The following SLC45A4 variants were observed in gnomAD, a reference collection of about 807,000 sequenced individuals.
SLC45A4 encodes the protein solute carrier family 45 member 4, also known as polyamine-transporter SLC45A4.
A neutral mutation model predicts 63.7 loss-of-function variants in SLC45A4; 32 were observed. That is an observed-to-expected ratio of 0.50 (90% confidence interval 0.38 to 0.67). The LOEUF (loss-of-function observed/expected upper bound fraction) is 0.67. SLC45A4 is among the 30% of genes least tolerant of loss of function. SLC45A4 has a pLI of 0.00. For missense variants in SLC45A4, 1,027 were observed against 1,157.7 expected (o/e 0.89, Z 1.64); for synonymous variants, 535 against 510.0 (o/e 1.05, Z -0.66).
chr8:141,273,494 C>T (rs375916126), intron 1 of SLC45A4, among the ~76,000 whole-genome samples: 138 of 152,254 alleles, frequency 9.1e-4, no homozygotes, highest in African/African-American at 3.3e-3. Context: ...AACGCAGGTA[C>T]AAACAAACTG....
chr8:141,213,124 A>G (rs1183582292), intron 7 of SLC45A4, among the ~76,000 whole-genome samples: 2 of 152,256 alleles, frequency 1.3e-5, no homozygotes, highest in East Asian at 1.9e-4. Context: ...AGGTCAGTCC[A>G]CTAAGAAGCT....
chr8:141,212,861 G>C (rs1825923902), intron 7 of SLC45A4, among the ~76,000 whole-genome samples: 1 of 152,210 alleles, frequency 6.6e-6, no homozygotes, highest in African/African-American at 2.4e-5. Context: ...GCAGGGCCAG[G>C]CTCCACCAGG....
intron 1 of SLC45A4, among the ~76,000 whole-genome samples, chr8:141,303,202 G>T (rs376877039): frequency 6.6e-6 from 1 of 151,510 alleles, no homozygotes; most frequent in Admixed American, 6.6e-5. Flanking sequence ...TTGCCATGTT[G>T]TCCATGCTGG....
At chr8:141,280,747 G>A (rs752618036) in intron 1 of SLC45A4, among the ~76,000 whole-genome samples, 2 of 152,238 alleles carry the variant, frequency 1.3e-5, no homozygotes, top group African/African-American at 2.4e-5. Context: ...CACACAGGAA[G>A]CAAGCTGTCA....
chr8:141,273,925 G>T (rs543583509), intron 1 of SLC45A4, among the ~76,000 whole-genome samples: 1 of 152,358 alleles, frequency 6.6e-6, no homozygotes, highest in Admixed American at 6.5e-5. Context: ...GTCAAAGCTT[G>T]TCTTTAAAAA....
chr8:141,294,678 G>C (rs1354618100), intron 1 of SLC45A4, among the ~76,000 whole-genome samples: 2 of 152,248 alleles, frequency 1.3e-5, no homozygotes, highest in African/African-American at 4.8e-5. Context: ...ATGCTAAATG[G>C]GGGCCACCAG....
chr8:141,232,241 C>T (rs552206700), intron 2 of SLC45A4, among the ~76,000 whole-genome samples: 4 of 152,382 alleles, frequency 2.6e-5, no homozygotes, highest in Admixed American at 1.3e-4. Context: ...ATCCATCACA[C>T]GCCAGCCCCG....
chr8:141,262,259 A>C (rs1231175165), intron 1 of SLC45A4, among the ~76,000 whole-genome samples: 1 of 151,202 alleles, frequency 6.6e-6, no homozygotes, highest in Non-Finnish European at 1.5e-5. Context: ...AAAACCATAA[A>C]AACCCTAGAA....
intron 1 of SLC45A4, among the ~76,000 whole-genome samples, chr8:141,285,114 C>T (rs1830089078): frequency 3.9e-5 from 6 of 152,234 alleles, no homozygotes. Context: ...AGCTTCTCCT[C>T]TCCAGCGGCC....
In SLC45A4 at chr8:141,283,481, C is replaced by T. The variant is rs1013609555; in HGVS notation, c.-401+24615G>A. Among the ~76,000 whole-genome samples the T allele has an allele frequency of 7.2e-5, 11 of 152,348 alleles. No homozygotes were observed. In the East Asian group the frequency reaches 1.3e-3, roughly 19 times the overall value. On this transcript the variant is annotated intron_variant, in intron 1 of 8. Transcript: ENST00000517878. Reference sequence around the variant, plus strand: ...CAGAGAGGAGAACCAATGAAGGCTTCTCGCACTGCATCCCTGGATGTCCCA... The same window carrying T: ...CAGAGAGGAGAACCAATGAAGGCTTTTCGCACTGCATCCCTGGATGTCCCA...
chr8:141,280,777 C>T (rs564645247), intron 1 of SLC45A4, among the ~76,000 whole-genome samples: 2 of 152,368 alleles, frequency 1.3e-5, no homozygotes, highest in African/African-American at 4.8e-5. Context: ...CTGACTCGCA[C>T]AGGTAACTGG....
intron 1 of SLC45A4, among the ~76,000 whole-genome samples, chr8:141,299,432 C>T (rs536981276): frequency 1.3e-5 from 2 of 152,358 alleles, no homozygotes; most frequent in East Asian, 1.9e-4. Flanking sequence ...GAGACACCAG[C>T]TCCAGGCTGC....
At position 141,219,053 on chromosome 8, in the gene SLC45A4, G is replaced by A. The variant is rs758045745; in HGVS notation, c.611-24C>T. On this transcript the variant is annotated intron_variant, in intron 4 of 8. Coordinates refer to ENST00000517878, the MANE Select transcript of SLC45A4 (RefSeq NM_001286646.2). ...GCCTGCGTGGGAGGAAGCAGCAGCC[G>A]GTGAGCCGGTGGCACCAGGCCACAG... is the stretch of plus-strand genomic sequence containing the variant. 30 of 1,591,200 alleles carry A rather than the reference G, an allele frequency of 1.9e-5. No homozygotes were observed. In the East Asian group the frequency reaches 3.8e-4, roughly 20 times the overall value.
At chr8:141,265,880 T>A (rs1829246786) in intron 1 of SLC45A4, among the ~76,000 whole-genome samples, 1 of 152,218 alleles carries the variant, frequency 6.6e-6, no homozygotes, top group Non-Finnish European at 1.5e-5. Flanking sequence ...AACAATTTTG[T>A]TATGATTCGC....
intron 1 of SLC45A4, among the ~76,000 whole-genome samples, chr8:141,260,447 A>G (rs1299740961): frequency 6.6e-6 from 1 of 152,250 alleles, no homozygotes; most frequent in East Asian, 1.9e-4. Flanking sequence ...CCATTGGACT[A>G]ACCCAGTTTT....
Position 141,212,186 on chromosome 8 carries a change from G to A in SLC45A4, c.2301+11C>T, listed in dbSNP as rs1825868622. Reference sequence around the variant, plus strand: ...CACTGGAATGTGTGTAAACGGGAGTGCGGCTCAGACCACGGACTCTGTCTC... The same window carrying A: ...CACTGGAATGTGTGTAAACGGGAGTACGGCTCAGACCACGGACTCTGTCTC... On this transcript the variant is annotated intron_variant, in intron 8 of 8. Coordinates refer to ENST00000517878, the MANE Select transcript of SLC45A4 (RefSeq NM_001286646.2). 7.7e-6 allele frequency: 11 copies of A among 1,433,606 alleles called. No individual in the cohort carries two copies. The highest frequency in any genetic ancestry group is 9.2e-6 in the Non-Finnish European group (10 of 1,086,970). 88.8% of individuals were successfully genotyped at this position (1,433,606 alleles called of 1,614,324 possible).
intron 8 of SLC45A4, 199 bp downstream of exon 8, chr8:141,211,998 G>A (rs1467754476): frequency 1.2e-5 from 16 of 1,307,614 alleles, no homozygotes; most frequent in Non-Finnish European, 1.5e-5. Context: ...TGTGGTATTT[G>A]CTTAGTAGCT....
intron 1 of SLC45A4, among the ~76,000 whole-genome samples, chr8:141,287,491 G>T (rs1184842942): frequency 1.3e-5 from 2 of 152,236 alleles, no homozygotes; most frequent in Non-Finnish European, 2.9e-5. Context: ...TTCACGGCAA[G>T]TCTGGAGTTT....
At chr8:141,221,332 C>T (rs1039259454) in intron 3 of SLC45A4, among the ~76,000 whole-genome samples, 13 of 152,378 alleles carry the variant, frequency 8.5e-5, no homozygotes, top group Middle Eastern at 3.4e-3. Flanking sequence ...GTCAGATACG[C>T]ATTAAAAACA....
Sources: gnomAD v4.1 joint callset for allele counts (sites outside exome capture counted in the v4.1 genomes callset) on GRCh38, gnomAD v4.1.1 for gene constraint, MANE v1.5 for transcripts, NCBI Gene and HGNC (gene_info 2026-07-23, HGNC 2026-07-21) for gene names.